Variants in BRWD3 observed in about 807,000 individuals in gnomAD.
BRWD3 encodes bromodomain and WD repeat domain containing 3.
BRWD3 carries 10 observed loss-of-function variants against 149.7 expected under a neutral mutation model. That is an observed-to-expected ratio of 0.07 (90% CI 0.04 to 0.11). The LOEUF (loss-of-function observed/expected upper bound fraction) is 0.11. Ranked by LOEUF, BRWD3 falls within the 10% of genes least tolerant of loss-of-function variation. The pLI, the probability that BRWD3 is intolerant of heterozygous loss-of-function variation, is 1.00. For missense variants in BRWD3, 940 were observed against 1,373.2 expected, an observed-to-expected ratio of 0.68 and a Z score of 4.99; for synonymous variants, 504 against 456.7, an observed-to-expected ratio of 1.10 and a Z score of -1.32.
chrX:80,741,155 C>A lies in BRWD3; in HGVS notation c.813+2877G>T, dbSNP rs756442685. The stretch of plus-strand genomic sequence containing the variant: ...ATTCCCACCTATGAGTGAGAACATG[C>A]GGTGTTCGGTTTTTTGTCCTTGCGA... On this transcript the variant is annotated intron_variant, in intron 8 of 40. Transcript: ENST00000373275. 1.4e-3 allele frequency among the ~76,000 whole-genome samples: 159 copies of A among 110,095 alleles called. 1 individual carries two copies. Among genetic ancestry groups the A allele is most frequent in the Non-Finnish European group, 2.7e-3 (144 of 52,804 alleles).
intron 4 of BRWD3, among the ~76,000 whole-genome samples, chrX:80,797,556 CAA>C (rs2074251093): frequency 9.0e-6 from 1 of 111,519 alleles, no homozygotes; most frequent in African/African-American, 3.3e-5. Flanking sequence ...TTTATAGAAA[CAA>C]TGATGTTTGA....
chrX:80,697,539 T>C (rs1360193560), intron 25 of BRWD3, among the ~76,000 whole-genome samples: 1 of 111,378 alleles, frequency 9.0e-6, no homozygotes, highest in African/African-American at 3.3e-5. Context: ...TTGTACCAAC[T>C]GTTTAGTACC....
chrX:80,743,791 T>A, intron 8 of BRWD3: 1 of 350,979 alleles, frequency 2.8e-6, no homozygotes, highest in Non-Finnish European at 4.9e-6. Context: ...CAAATACAAA[T>A]AAGATATCTC....
intron 6 of BRWD3, among the ~76,000 whole-genome samples, chrX:80,757,948 C>G (rs1040984847): frequency 2.7e-4 from 30 of 112,195 alleles, no homozygotes; most frequent in Non-Finnish European, 5.4e-4. Context: ...CGCCTGTAAT[C>G]CCAGCACTTT....
At chrX:80,768,708 AG>A (rs1341154112) in intron 6 of BRWD3, among the ~76,000 whole-genome samples, 3 of 111,477 alleles carry the variant, frequency 2.7e-5, no homozygotes, top group Non-Finnish European at 5.6e-5. Flanking sequence ...TCATAATGAC[AG>A]GATCAAATTC....
chrX:80,693,793 G>A (rs1409830482), intron 27 of BRWD3, among the ~76,000 whole-genome samples: 1 of 111,722 alleles, frequency 9.0e-6, no homozygotes, highest in Non-Finnish European at 1.9e-5. Flanking sequence ...ACAAAGATGT[G>A]GTCTGGAAAT....
At position 80,691,153 on chromosome X, in the gene BRWD3, C is replaced by T. The variant is rs1194602897; in HGVS notation, c.3502G>A (p.Val1168Ile). The change falls in exon 31 of 41, where the codon GTT becomes ATT. Residue 1168 changes from valine (V) to isoleucine (I), a missense_variant. Physicochemically the swap from Val to Ile is conservative, Grantham distance 29. Transcript: ENST00000373275. ...LSLDFASPFAVPVDLSAYPLY... is the reference protein window; with the variant it reads ...LSLDFASPFAIPVDLSAYPLY... ...GGGTAGGCACTGAGATCCACTGGAA[C>T]AGCAAAAGGGCTGGCAAAATCTACA... 8.3e-7 allele frequency: 1 copy of T among 1,208,088 alleles called. No individual in the cohort carries two copies. Among genetic ancestry groups the T allele is most frequent in the Admixed American group, 2.2e-5 (1 of 45,812 alleles).
intron 6 of BRWD3, among the ~76,000 whole-genome samples, chrX:80,764,819 A>C (rs140310268): frequency 0.023 from 2,536 of 111,709 alleles, 119 homozygotes; most frequent in Admixed American, 0.15. Flanking sequence ...CTTAAAGTTC[A>C]ACAATGAAAT....
chrX:80,720,675 T>C (rs984421590), intron 17 of BRWD3, among the ~76,000 whole-genome samples: 7 of 111,725 alleles, frequency 6.3e-5, no homozygotes, highest in African/African-American at 2.3e-4. Flanking sequence ...AAGTGTACAG[T>C]GTTGATAAAG....
intron 20 of BRWD3, chrX:80,710,655 G>A: frequency 2.5e-6 from 2 of 788,188 alleles, no homozygotes; most frequent in Non-Finnish European, 3.8e-6. Context: ...GGCAAAGCCT[G>A]CTCAACCTGC....
At position 80,703,544 on chromosome X, in the gene BRWD3, G is replaced by T; in HGVS notation, c.2771C>A (p.Ala924Asp). ...IAGEPNEEWF[A>D]PQWILDTIPR... is the part of the protein sequence containing the mutation. ...TATAGTATCCAAGATCCACTGAGGG[G>T]CAAACCATTCTTCATTAGGCTCACC... Residue 924 changes from alanine to aspartate, a missense_variant, in exon 24 of 41, where the codon GCC becomes GAC. Ala to Asp is a moderately radical substitution (Grantham distance 126). This residue lies in a region of BRWD3 where 158 missense variants were observed against 284.0 expected (regional missense o/e 0.56). Coordinates refer to ENST00000373275, the MANE Select transcript of BRWD3 (RefSeq NM_153252.5). 1 of 1,207,559 alleles carries T rather than the reference G, an allele frequency of 8.3e-7. No individual in the cohort carries two copies. Among genetic ancestry groups the T allele is most frequent in the Non-Finnish European group, 1.1e-6 (1 of 893,580 alleles).
rs759215140 is a variant in BRWD3 at position 80,764,030 on chromosome X, G to A, written c.431-18301C>T. Among the ~76,000 whole-genome samples the A allele has an allele frequency of 9.8e-5, 11 of 111,726 alleles. No homozygotes were observed. In the East Asian group the frequency reaches 2.0e-3, roughly 20 times the overall value. Reference sequence around the variant, plus strand: ...TGAGGAGATAAACACACAAATCAATGGAACAGAATAAAGGGCCAAAAAAAT... The same window carrying A: ...TGAGGAGATAAACACACAAATCAATAGAACAGAATAAAGGGCCAAAAAAAT... On this transcript the variant is annotated intron_variant, in intron 6 of 40. Transcript: ENST00000373275.
rs190696262 is a variant in BRWD3, at chrX:80,690,651, A to G, written c.3602+402T>C. ...TCATCCCAACCAAAACAAAAAAATT[A>G]CTTGGCTCCTTTCCTGTATATATTT... is the stretch of plus-strand genomic sequence containing the variant. On this transcript the variant is annotated intron_variant, in intron 31 of 40. Coordinates refer to ENST00000373275, the MANE Select transcript of BRWD3 (RefSeq NM_153252.5). Among the ~76,000 whole-genome samples, 251 of 111,083 alleles carry G rather than the reference A, an allele frequency of 2.3e-3. 1 individual carries two copies. Among genetic ancestry groups the G allele is most frequent in the African/African-American group, 7.8e-3 (239 of 30,627 alleles).
chrX:80,735,235 G>A (rs764800223), intron 9 of BRWD3, 38 bp from the exon 10 acceptor site: 1 of 1,090,181 alleles, frequency 9.2e-7, no homozygotes, highest in South Asian at 1.9e-5. Context: ...GTTTCATCAT[G>A]TTTGGCTAAT....
intron 6 of BRWD3, among the ~76,000 whole-genome samples, chrX:80,761,577 G>C (rs1444285965): frequency 9.0e-6 from 1 of 111,165 alleles, no homozygotes; most frequent in Non-Finnish European, 1.9e-5. Flanking sequence ...ATTTGAATTA[G>C]CAGGCAAAGA....
At chrX:80,713,133 G>A (rs1368439821) in intron 20 of BRWD3, among the ~76,000 whole-genome samples, 15 of 108,757 alleles carry the variant, frequency 1.4e-4, no homozygotes, top group African/African-American at 5.0e-4. Context: ...CTGCCCGGCC[G>A]CCCCTACTGG....
At chrX:80,784,079 G>T (rs7066585) in intron 6 of BRWD3, among the ~76,000 whole-genome samples, 9,334 of 111,214 alleles carry the variant, frequency 0.084, 372 homozygotes, top group South Asian at 0.19. Context: ...AATATAATTG[G>T]AATGTCTGTA....
Position 80,709,415 on chromosome X carries a change from G to GTA in BRWD3, c.2475+11_2475+12dup, listed in dbSNP as rs776209963. 43 of 1,193,002 alleles carry GTA rather than the reference G, an allele frequency of 3.6e-5. No homozygotes were observed. The African/African-American group carries it at 6.3e-4, about 18-fold the overall frequency. The stretch of plus-strand genomic sequence containing the variant: ...AAAAAACTACATCAAATAAATAATA[G>GTA]TATATATATAACCTCTGAAGAACTG... On this transcript the variant is annotated intron_variant, in intron 21 of 40. Transcript: ENST00000373275.
In BRWD3 at chrX:80,793,135, C is replaced by CTGG. The variant is rs2074199660; in HGVS notation, c.331+484_331+486dup. Among the ~76,000 whole-genome samples, 3 of 75,821 alleles carry CTGG rather than the reference C, an allele frequency of 4.0e-5. No homozygotes were observed. The Admixed American group carries it at 6.9e-4, about 17-fold the overall frequency. 65.8% of individuals were successfully genotyped at this position (75,821 alleles called of 115,157 possible). A position where few individuals can be genotyped will look rare whatever the true frequency, so the allele number is the denominator to read the frequency against. On this transcript the variant is annotated intron_variant, in intron 5 of 40. Coordinates refer to ENST00000373275, the MANE Select transcript of BRWD3 (RefSeq NM_153252.5). ...CGAGATCGCGCCACTGCACTCCAGC[C>CTGG]TGGTGACAGAGCAAGACTCTGTCTC... is the stretch of plus-strand genomic sequence containing the variant.
Sources: allele counts gnomAD v4.1 joint callset (sites outside exome capture counted in the v4.1 genomes callset), GRCh38; gene constraint gnomAD v4.1.1; regional missense constraint gnomAD v4.1.1; transcripts MANE v1.5; gene names NCBI Gene and HGNC (gene_info 2026-07-23, HGNC 2026-07-21).